The following HP1BP3 variants were observed in gnomAD, a reference collection of about 807,000 sequenced individuals.
The protein encoded by HP1BP3 is heterochromatin protein 1 binding protein 3.
Under a neutral mutation model 62.5 loss-of-function variants are expected in HP1BP3, and 12 were observed. The observed-to-expected ratio is 0.19, with a 90% confidence interval of 0.12 to 0.31. The LOEUF (loss-of-function observed/expected upper bound fraction) is 0.31, where lower values mean the gene tolerates loss of function less well. Ranked by LOEUF, HP1BP3 falls within the 10% of genes least tolerant of loss-of-function variation. HP1BP3 has a pLI of 1.00. For synonymous variants in HP1BP3, 260 were observed against 237.8 expected, an observed-to-expected ratio of 1.09 and a Z score of -0.86; for missense variants, 502 against 651.8, an observed-to-expected ratio of 0.77 and a Z score of 2.50.
intron 10 of HP1BP3, among the ~76,000 whole-genome samples, chr1:20,748,014 G>A (rs975661515): frequency 1.3e-5 from 2 of 151,832 alleles, no homozygotes; most frequent in African/African-American, 2.4e-5. Context: ...ACCATACCTG[G>A]CAAGAGTTAT....
Position 20,757,598 on chromosome 1 carries a change from C to T in HP1BP3, c.891-342G>A, listed in dbSNP as rs183493628. ...ATTGGTCAGGCTGGTCTCGAACTCC[C>T]GACCTCAGGTGATCTGCCTGACTCG... On this transcript the variant is annotated intron_variant, in intron 8 of 12. Coordinates refer to ENST00000438032, the MANE Select transcript of HP1BP3 (RefSeq NM_001372052.1). Among the ~76,000 whole-genome samples the T allele has an allele frequency of 3.9e-5, 6 of 151,928 alleles. No homozygotes were observed. In the East Asian group the frequency reaches 7.8e-4, roughly 20 times the overall value.
intron 9 of HP1BP3, among the ~76,000 whole-genome samples, chr1:20,751,747 A>G (rs1421559890): frequency 6.6e-5 from 10 of 152,032 alleles, no homozygotes; most frequent in Admixed American, 6.6e-4. Context: ...AAACTAAAAA[A>G]AAAAAAAAGT....
intron 7 of HP1BP3, among the ~76,000 whole-genome samples, chr1:20,767,312 T>A (rs992156655): frequency 3.9e-5 from 6 of 152,164 alleles, no homozygotes; most frequent in Non-Finnish European, 8.8e-5. Context: ...CAAGACTCCA[T>A]CTCAAAACAA....
At chr1:20,765,320 A>T (rs2056727105) in intron 8 of HP1BP3, 57 bp downstream of exon 8, 1 of 1,171,642 alleles carries the variant, frequency 8.5e-7, no homozygotes, top group Non-Finnish European at 1.2e-6. Context: ...TTCCCATGAA[A>T]AGGGAGCTAA....
chr1:20,744,915 A>AC lies in HP1BP3; in HGVS notation c.1543dup (p.Val515GlyfsTer6). 1 of 1,614,098 alleles carries AC rather than the reference A, an allele frequency of 6.2e-7. No individual in the cohort carries two copies. Among genetic ancestry groups the AC allele is most frequent in the Non-Finnish European group, 8.5e-7 (1 of 1,180,012 alleles). On this transcript the variant is annotated frameshift_variant, in exon 13 of 13. Transcript: ENST00000438032. LOFTEE classifies it high-confidence loss of function. ...GGAGCCACCACTAGGTTTCTTGATG[A>AC]CTGTGGATGAGGGTCTGGTCTTCTT...
chr1:20,763,032 G>A (rs2056576182), intron 8 of HP1BP3, among the ~76,000 whole-genome samples: 2 of 152,132 alleles, frequency 1.3e-5, no homozygotes, highest in Non-Finnish European at 2.9e-5. Context: ...TGAGCGGGTT[G>A]TTTAAAACAA....
chr1:20,776,141 T>A, intron 4 of HP1BP3: 1 of 791,992 alleles, frequency 1.3e-6, no homozygotes. Context: ...CAAACATATA[T>A]AGACTTTTAG....
intron 11 of HP1BP3, among the ~76,000 whole-genome samples, chr1:20,746,186 ATGTGTG>A (rs35710978): frequency 0.33 from 47,371 of 143,188 alleles, 8,117 homozygotes; most frequent in Non-Finnish European, 0.38. Flanking sequence ...ACATACATAT[ATGTGTG>A]TGTGTGTGTG....
chr1:20,745,297 T>G (rs193072439), intron 12 of HP1BP3, among the ~76,000 whole-genome samples: 1 of 152,202 alleles, frequency 6.6e-6, no homozygotes, highest in Non-Finnish European at 1.5e-5. Context: ...TTTCATGACG[T>G]TGTTCCTAGG....
chr1:20,744,771 C>G lies in HP1BP3; in HGVS notation c.*26G>C. ...TAGAAAATAAGATTTTGAATTTCAT[C>G]ATGATACCCTTTTTTCCTATAAAAT... is the stretch of plus-strand genomic sequence containing the variant. On this transcript the variant is annotated 3_prime_UTR_variant, in exon 13 of 13. Transcript: ENST00000438032. 6.4e-7 allele frequency: 1 copy of G among 1,563,768 alleles called. No homozygotes were observed.
intron 11 of HP1BP3, among the ~76,000 whole-genome samples, chr1:20,746,729 T>C (rs1216283250): frequency 1.3e-5 from 2 of 152,290 alleles, no homozygotes; most frequent in African/African-American, 4.8e-5. Flanking sequence ...TTCTCCCCAC[T>C]TGGTATTGGA....
chr1:20,757,175 C>T lies in HP1BP3; in HGVS notation c.972G>A (p.Gly324=), dbSNP rs1243720380. ...GCCTCTGATCTCTAACCTGGAATGT[C>T]CCCGAAGCACCTTTGCCAGTTATCT... ...LEQITGKGAS[G]TFQLKKSGEK... Residue 324 remains glycine (G), a synonymous_variant, in exon 9 of 13, where the codon GGG becomes GGA. Coordinates refer to ENST00000438032, the MANE Select transcript of HP1BP3 (RefSeq NM_001372052.1). 6 of 1,609,326 alleles carry T rather than the reference C, an allele frequency of 3.7e-6. No individual in the cohort carries two copies. The highest frequency in any genetic ancestry group is 1.3e-5 in the African/African-American group (1 of 74,716).
intron 6 of HP1BP3, among the ~76,000 whole-genome samples, chr1:20,769,755 C>G (rs1019353672): frequency 6.6e-6 from 1 of 152,092 alleles, no homozygotes; most frequent in South Asian, 2.1e-4. Context: ...TTTGAGAAAG[C>G]TGGACTCCTA....
At chr1:20,755,216 T>A in intron 9 of HP1BP3, 2 of 259,772 alleles carry the variant, frequency 7.7e-6, no homozygotes, top group South Asian at 7.2e-5. Flanking sequence ...AGATACCCTA[T>A]ATCCACTAGT....
chr1:20,766,926 G>C (rs1318843197), intron 7 of HP1BP3, among the ~76,000 whole-genome samples: 1 of 152,066 alleles, frequency 6.6e-6, no homozygotes, highest in Non-Finnish European at 1.5e-5. Context: ...CCGGGCAATA[G>C]AGCAAGATTC....
At chr1:20,775,265 A>G (rs1040916880) in intron 4 of HP1BP3, among the ~76,000 whole-genome samples, 1 of 152,080 alleles carries the variant, frequency 6.6e-6, no homozygotes, top group South Asian at 2.1e-4. Context: ...AGACAGTGAT[A>G]TTGATGACCC....
Position 20,778,022 on chromosome 1 carries a change from C to G in HP1BP3, c.197-1272G>C, listed in dbSNP as rs548233655. Among the ~76,000 whole-genome samples, 196 of 152,306 alleles carry G rather than the reference C, an allele frequency of 1.3e-3. 1 individual carries two copies. Among genetic ancestry groups the G allele is most frequent in the African/African-American group, 4.6e-3 (190 of 41,562 alleles). On this transcript the variant is annotated intron_variant, in intron 3 of 12. Transcript: ENST00000438032. ...TGATATATCTTTTACTGCCCCTCAA[C>G]CCAACAATTTGACCTAAATGGCTGC...
chr1:20,772,341 T>C (rs1354871625), intron 5 of HP1BP3, among the ~76,000 whole-genome samples: 1 of 151,412 alleles, frequency 6.6e-6, no homozygotes, highest in Admixed American at 6.5e-5. Flanking sequence ...TTTAATTTTT[T>C]ATTTCACTAT....
Position 20,744,985 on chromosome 1 carries a change from T to C in HP1BP3, c.1474A>G (p.Arg492Gly). The stretch of plus-strand genomic sequence containing the variant: ...GGAGGTGCTTTCTTAGGCAAGGGCC[T>C]AGCTTTCCCCCGCTGGGCAGCTGAG... ...KVSAAQRGKARPLPKKAPPKA... is the reference protein window; with the variant it reads ...KVSAAQRGKAGPLPKKAPPKA... Residue 492 changes from arginine (R) to glycine (G), a missense_variant, in exon 13 of 13, where the codon AGG (arginine) becomes GGG (glycine). Coordinates refer to ENST00000438032, the MANE Select transcript of HP1BP3 (RefSeq NM_001372052.1). 1 of 1,614,192 alleles carries C rather than the reference T, an allele frequency of 6.2e-7. No individual in the cohort carries two copies. Among genetic ancestry groups the C allele is most frequent in the Non-Finnish European group, 8.5e-7 (1 of 1,180,024 alleles).
Sources: allele counts gnomAD v4.1 joint callset (sites outside exome capture counted in the v4.1 genomes callset), GRCh38; gene constraint gnomAD v4.1.1; transcripts MANE v1.5; gene names NCBI Gene and HGNC (gene_info 2026-07-23, HGNC 2026-07-21).